TRMT9B: variants seen among roughly 807,000 people sequenced by gnomAD.
The protein encoded by TRMT9B is tRNA methyltransferase 9B (putative).
A neutral mutation model predicts 11.5 loss-of-function variants in TRMT9B; 16 were observed. The observed-to-expected ratio is 1.39, with a 90% CI of 0.94 to 2.11. The LOEUF (loss-of-function observed/expected upper bound fraction) is 2.11, where lower values mean the gene tolerates loss of function less well. TRMT9B is among the 30% of genes most tolerant of loss of function. TRMT9B has a pLI of 0.00. For missense variants in TRMT9B, 941 were observed against 553.8 expected (o/e 1.70, Z -7.02); for synonymous variants, 274 against 192.4 (o/e 1.42, Z -3.51).
chr8:13,010,404 C>G lies in TRMT9B; in HGVS notation c.155-2280C>G, dbSNP rs970663634. The G allele has an allele frequency of 7.1e-6, 7 of 983,246 alleles. No homozygotes were observed. The African/African-American group carries it at 1.2e-4, about 17-fold the overall frequency. 60.9% of individuals were successfully genotyped at this position (983,246 alleles called of 1,614,324 possible). A position where few individuals can be genotyped will look rare whatever the true frequency, so the allele number is the denominator to read the frequency against. ...GAAGAAAAGACAGATGGTAATATGA[C>G]TGTCCTCTAAAGGAAATGGTTTCTG... is the stretch of plus-strand genomic sequence containing the variant. On this transcript the variant is annotated intron_variant, in intron 3 of 4. Transcript: ENST00000524591.
intron 1 of TRMT9B, among the ~76,000 whole-genome samples, chr8:12,956,183 G>T (rs1304394622): frequency 2.0e-5 from 3 of 152,178 alleles, no homozygotes; most frequent in Non-Finnish European, 4.4e-5. Context: ...CAAAGGTAGA[G>T]GGATGCACAC....
chr8:12,946,889 A>G (rs143576759), intron 1 of TRMT9B, among the ~76,000 whole-genome samples: 113 of 152,290 alleles, frequency 7.4e-4, no homozygotes, highest in Non-Finnish European at 1.3e-3. Context: ...ATGTACCTTG[A>G]GAAGGTCTTC....
chr8:12,999,497 T>C (rs1809003255), intron 2 of TRMT9B, among the ~76,000 whole-genome samples: 1 of 152,116 alleles, frequency 6.6e-6, no homozygotes, highest in Non-Finnish European at 1.5e-5. Flanking sequence ...ATGCAGTTTG[T>C]TATATGTCAA....
intron 1 of TRMT9B, chr8:12,960,615 A>G (rs1801973878): frequency 6.6e-6 from 1 of 152,252 alleles, no homozygotes. Flanking sequence ...ACAATGGAAT[A>G]TTATTTAGTG....
chr8:12,989,671 C>T (rs764425626), intron 1 of TRMT9B, among the ~76,000 whole-genome samples: 14 of 152,178 alleles, frequency 9.2e-5, no homozygotes, highest in Non-Finnish European at 1.6e-4. Context: ...GTCGACTGCC[C>T]AGGTCAGAGC....
intron 2 of TRMT9B, among the ~76,000 whole-genome samples, chr8:12,997,909 A>G (rs1011380411): frequency 6.6e-6 from 1 of 152,146 alleles, no homozygotes; most frequent in African/African-American, 2.4e-5. Context: ...CACCAACACT[A>G]GATATTCTTT....
At chr8:12,996,849 C>T (rs1292221668) in intron 2 of TRMT9B, among the ~76,000 whole-genome samples, 2 of 152,192 alleles carry the variant, frequency 1.3e-5, no homozygotes, top group East Asian at 3.8e-4. Flanking sequence ...ACCTCCCAAC[C>T]CCCAGTGCTC....
At chr8:13,019,280 A>G (rs1813367448) in intron 4 of TRMT9B, among the ~76,000 whole-genome samples, 1 of 152,160 alleles carries the variant, frequency 6.6e-6, no homozygotes, top group South Asian at 2.1e-4. Flanking sequence ...ATACATTTAT[A>G]TGAGTGTGTA....
At chr8:12,987,362 A>G (rs1162886808) in intron 1 of TRMT9B, among the ~76,000 whole-genome samples, 3 of 152,226 alleles carry the variant, frequency 2.0e-5, no homozygotes, top group Non-Finnish European at 4.4e-5. Context: ...TTACATCCCA[A>G]TAAACCCATT....
At chr8:12,993,659 A>G (rs893042747) in intron 2 of TRMT9B, among the ~76,000 whole-genome samples, 15 of 152,198 alleles carry the variant, frequency 9.9e-5, no homozygotes, top group African/African-American at 3.1e-4. Context: ...CTGGCATTCC[A>G]ATAGCACATT....
In TRMT9B at chr8:13,025,405, T is replaced by C. The variant is rs2460332; in HGVS notation, c.*3361T>C. On this transcript the variant is annotated 3_prime_UTR_variant, in exon 5 of 5. Coordinates refer to ENST00000524591, the MANE Select transcript of TRMT9B (RefSeq NM_020844.3). The stretch of plus-strand genomic sequence containing the variant: ...GGTGGCGCATGCCTGTAATCCCAGC[T>C]ACTTGGGAGGCTGAGGCAGGAGAAT... 0.12 allele frequency: 18,142 copies of C among 157,646 alleles called. 1,176 individuals carry two copies. Among genetic ancestry groups the C allele is most frequent in the African/African-American group, 0.15 (6,113 of 41,518 alleles). The allele number at this position is 157,646 out of a possible 1,614,324, so 9.8% of individuals were successfully genotyped here. A position where few individuals can be genotyped will look rare whatever the true frequency, so the allele number is the denominator to read the frequency against.
At chr8:13,018,093 T>A in intron 4 of TRMT9B, among the ~76,000 whole-genome samples, 1 of 87,566 alleles carries the variant, frequency 1.1e-5, no homozygotes, top group African/African-American at 4.6e-5. Flanking sequence ...AAATAAGGAC[T>A]TTCTTAAAAA....
intron 1 of TRMT9B, among the ~76,000 whole-genome samples, chr8:12,982,559 G>A (rs1805586859): frequency 1.3e-5 from 2 of 152,078 alleles, no homozygotes; most frequent in Non-Finnish European, 2.9e-5. Flanking sequence ...CTACTCGGGA[G>A]GCTGAGATGG....
At chr8:12,956,316 AAAGGTAAGAGGATATGTTGT>A in intron 1 of TRMT9B, among the ~76,000 whole-genome samples, 1 of 152,298 alleles carries the variant, frequency 6.6e-6, no homozygotes, top group South Asian at 2.1e-4. Context: ...TTGACTTTGG[AAAGGTAAGAGGATATGTTGT>A]AAAAATTTTT....
At chr8:12,956,475 C>A (rs971899773) in intron 1 of TRMT9B, among the ~76,000 whole-genome samples, 1 of 152,140 alleles carries the variant, frequency 6.6e-6, no homozygotes, top group Non-Finnish European at 1.5e-5. Flanking sequence ...CCTCTGCATA[C>A]GGTACTAATT....
At chr8:13,009,672 A>G (rs1353745034) in intron 3 of TRMT9B, among the ~76,000 whole-genome samples, 1 of 152,194 alleles carries the variant, frequency 6.6e-6, no homozygotes, top group Non-Finnish European at 1.5e-5. Flanking sequence ...AATTATAATT[A>G]TACACCTAGG....
chr8:12,949,756 G>C (rs570881597), intron 1 of TRMT9B, among the ~76,000 whole-genome samples: 1 of 152,216 alleles, frequency 6.6e-6, no homozygotes, highest in Non-Finnish European at 1.5e-5. Context: ...CATTTTCATA[G>C]GGGCCTATTA....
At chr8:12,997,521 A>C (rs1017176864) in intron 2 of TRMT9B, among the ~76,000 whole-genome samples, 6 of 152,158 alleles carry the variant, frequency 3.9e-5, no homozygotes, top group African/African-American at 1.4e-4. Context: ...CTTTACAGCA[A>C]CACGAAATGG....
In TRMT9B at chr8:13,001,688, G is replaced by T. The variant is rs1442789175; in HGVS notation, c.-1-4514G>T. ...CCCAATAATTCTGAGAAAAAAGCGA[G>T]ATTTTTGAAACATCAACCGGGACTC... On this transcript the variant is annotated intron_variant, in intron 2 of 4. Transcript: ENST00000524591. Among the ~76,000 whole-genome samples, 3 of 152,114 alleles carry T rather than the reference G, an allele frequency of 2.0e-5. No individual in the cohort carries two copies. In the East Asian group the frequency reaches 5.8e-4, roughly 29 times the overall value.
Sources: allele counts gnomAD v4.1 joint callset (sites outside exome capture counted in the v4.1 genomes callset), GRCh38; gene constraint gnomAD v4.1.1; transcripts MANE v1.5; gene names NCBI Gene and HGNC (gene_info 2026-07-23, HGNC 2026-07-21).